IGF1R: variants seen among roughly 807,000 people sequenced by gnomAD.
The protein encoded by IGF1R is insulin like growth factor 1 receptor.
IGF1R carries 44 observed loss-of-function variants against 144.6 expected under a neutral mutation model. That is an observed-to-expected ratio of 0.30 (90% confidence interval 0.24 to 0.39). IGF1R has a LOEUF of 0.39. Ranked by LOEUF, IGF1R falls within the 10% of genes least tolerant of loss-of-function variation. The pLI is 1.00. For missense variants in IGF1R, 1,355 were observed against 1,833.7 expected (o/e 0.74, Z 4.77); for synonymous variants, 795 against 722.8 (o/e 1.10, Z -1.60).
intron 13 of IGF1R, among the ~76,000 whole-genome samples, chr15:98,925,558 T>C (rs2151696148): frequency 1.3e-5 from 2 of 152,372 alleles, no homozygotes; most frequent in South Asian, 4.1e-4. Context: ...TCTAGTGGGC[T>C]GATCTTTCCT....
intron 2 of IGF1R, among the ~76,000 whole-genome samples, chr15:98,782,059 T>C (rs965054288): frequency 6.6e-6 from 1 of 152,116 alleles, no homozygotes; most frequent in Non-Finnish European, 1.5e-5. Flanking sequence ...AACTCCTGAC[T>C]CCGGTGATCC....
chr15:98,694,540 G>C (rs577635752), intron 1 of IGF1R, among the ~76,000 whole-genome samples: 9 of 152,104 alleles, frequency 5.9e-5, no homozygotes, highest in Admixed American at 5.9e-4. Context: ...ACTCAGGGTG[G>C]GGGGGATGCA....
At chr15:98,803,555 GAGTGCAGTGGTGCAATCACAGCTC>G (rs2056408340) in intron 2 of IGF1R, among the ~76,000 whole-genome samples, 1 of 123,570 alleles carries the variant, frequency 8.1e-6, no homozygotes, top group South Asian at 2.7e-4. Context: ...CCCCAGGCTG[GAGTGCAGTGGTGCAATCACAGCTC>G]ACTGCAGCCT....
chr15:98,788,028 G>C lies in IGF1R; in HGVS notation c.640+79921G>C, dbSNP rs534904836. On this transcript the variant is annotated intron_variant, in intron 2 of 20. Coordinates refer to ENST00000650285, the MANE Select transcript of IGF1R (RefSeq NM_000875.5). ...TCCTCAGGCCACGTTCCTATGGTGG[G>C]TAGGGATCTCTCTCTCTCTCTCTCT... Among the ~76,000 whole-genome samples, 3 of 145,450 alleles carry C rather than the reference G, an allele frequency of 2.1e-5. No homozygotes were observed. The Admixed American group carries it at 2.1e-4, about 10-fold the overall frequency.
In IGF1R at chr15:98,665,655, T is replaced by C. The variant is rs184764273; in HGVS notation, c.94+15980T>C. On this transcript the variant is annotated intron_variant, in intron 1 of 20. Transcript: ENST00000650285. ...CAACACAAATTAGGGTATTTTAAAT[T>C]GAATGTGGAGAACCCTGAGAACCTG... Among the ~76,000 whole-genome samples the C allele has an allele frequency of 9.8e-4, 149 of 152,320 alleles. 4 individuals are homozygous for C. The East Asian group carries it at 0.022, about 23-fold the overall frequency.
chr15:98,939,529 C>T (rs1431337598), intron 18 of IGF1R, among the ~76,000 whole-genome samples, 169 bp downstream of exon 18: 1 of 152,170 alleles, frequency 6.6e-6, no homozygotes. Flanking sequence ...AAACCTGGCA[C>T]GGTCGGTCCC....
intron 2 of IGF1R, among the ~76,000 whole-genome samples, chr15:98,838,215 A>G (rs1221239366): frequency 6.6e-6 from 1 of 152,198 alleles, no homozygotes; most frequent in Admixed American, 6.5e-5. Context: ...TTCTGTGATT[A>G]TCTGTGTATT....
At chr15:98,909,268 T>TTTTTTC (rs2014891556) in intron 6 of IGF1R, among the ~76,000 whole-genome samples, 7 of 9,258 alleles carry the variant, frequency 7.6e-4, no homozygotes, top group Non-Finnish European at 5.8e-3. Context: ...TTTCTTTTTT[T>TTTTTTC]TTTTTTTTTT....
At chr15:98,804,289 T>G (rs555080292) in intron 2 of IGF1R, among the ~76,000 whole-genome samples, 6 of 152,238 alleles carry the variant, frequency 3.9e-5, no homozygotes, top group African/African-American at 1.4e-4. Context: ...TTATGTAGTT[T>G]TAGAATGCCA....
intron 8 of IGF1R, among the ~76,000 whole-genome samples, chr15:98,915,154 A>G (rs1037887642): frequency 6.6e-6 from 1 of 152,220 alleles, no homozygotes; most frequent in African/African-American, 2.4e-5. Context: ...AATAAGGACA[A>G]GATTTCAGTG....
At chr15:98,677,435 A>G (rs2053076845) in intron 1 of IGF1R, among the ~76,000 whole-genome samples, 1 of 152,206 alleles carries the variant, frequency 6.6e-6, no homozygotes, top group Non-Finnish European at 1.5e-5. Context: ...TCTGGTACAT[A>G]ATACGTCTTT....
intron 2 of IGF1R, among the ~76,000 whole-genome samples, chr15:98,732,784 G>T (rs552133902): frequency 2.0e-4 from 30 of 152,202 alleles, no homozygotes; most frequent in Non-Finnish European, 3.7e-4. Flanking sequence ...TTAGGTGCTT[G>T]TGGCACGAGC....
intron 2 of IGF1R, among the ~76,000 whole-genome samples, chr15:98,747,968 G>A (rs2054911001): frequency 6.6e-6 from 1 of 152,070 alleles, no homozygotes; most frequent in Non-Finnish European, 1.5e-5. Flanking sequence ...GATTCGTTAG[G>A]CCAAAGATTT....
chr15:98,735,349 C>T (rs778969264), intron 2 of IGF1R, among the ~76,000 whole-genome samples: 1 of 152,242 alleles, frequency 6.6e-6, no homozygotes, highest in African/African-American at 2.4e-5. Flanking sequence ...CTCCCCGTGA[C>T]TCTGCCCACC....
intron 1 of IGF1R, among the ~76,000 whole-genome samples, chr15:98,685,923 G>A (rs1046313920): frequency 2.0e-5 from 3 of 152,216 alleles, no homozygotes; most frequent in African/African-American, 7.2e-5. Context: ...TTTTTTAAAT[G>A]TACGAGTTCA....
chr15:98,710,963 C>G (rs1325188785), intron 2 of IGF1R, among the ~76,000 whole-genome samples: 4 of 152,192 alleles, frequency 2.6e-5, no homozygotes, highest in African/African-American at 4.8e-5. Context: ...AGCCACCATG[C>G]CCGACTCTTT....
At chr15:98,838,420 CTA>C (rs1249241502) in intron 2 of IGF1R, among the ~76,000 whole-genome samples, 8 of 152,214 alleles carry the variant, frequency 5.3e-5, no homozygotes, top group Admixed American at 5.2e-4. Context: ...ATGTTAAAAA[CTA>C]AAACTATTCT....
Position 98,960,787 on chromosome 15 carries a change from C to T in IGF1R, c.*3345C>T, listed in dbSNP as rs2017193062. Reference sequence around the variant, plus strand: ...AACACACGCAGGAGCAGAGTCCCCTCCCCCTCCAGGCTGCCCTCTCAACTT... The same window carrying T: ...AACACACGCAGGAGCAGAGTCCCCTTCCCCTCCAGGCTGCCCTCTCAACTT... On this transcript the variant is annotated 3_prime_UTR_variant, in exon 21 of 21. Coordinates refer to ENST00000650285, the MANE Select transcript of IGF1R (RefSeq NM_000875.5). The T allele has an allele frequency of 4.3e-6, 1 of 233,772 alleles. No individual in the cohort carries two copies. The highest frequency in any genetic ancestry group is 8.5e-6 in the Non-Finnish European group (1 of 118,286). 14.5% of individuals were successfully genotyped at this position (233,772 alleles called of 1,614,324 possible). A position where few individuals can be genotyped will look rare whatever the true frequency, so the allele number is the denominator to read the frequency against.
At chr15:98,914,136 C>G (rs2015138229) in intron 8 of IGF1R, among the ~76,000 whole-genome samples, 1 of 152,320 alleles carries the variant, frequency 6.6e-6, no homozygotes, top group Non-Finnish European at 1.5e-5. Flanking sequence ...TGCGGGAGCA[C>G]TCTCCGGGGC....
Sources: gnomAD v4.1 joint callset for allele counts (sites outside exome capture counted in the v4.1 genomes callset) on GRCh38, gnomAD v4.1.1 for gene constraint, MANE v1.5 for transcripts, NCBI Gene and HGNC (gene_info 2026-07-23, HGNC 2026-07-21) for gene names.